Variants in NYAP2 observed in about 807,000 individuals in gnomAD.
The protein encoded by NYAP2 is neuronal tyrosine-phosphorylated phosphoinositide-3-kinase adaptor 2.
A neutral mutation model predicts 50.4 loss-of-function variants in NYAP2; 23 were observed. That is an observed-to-expected ratio of 0.46 (90% CI 0.33 to 0.65). The LOEUF is 0.65. Ranked by LOEUF, NYAP2 falls within the 30% of genes least tolerant of loss-of-function variation. The pLI, the probability that NYAP2 is intolerant of heterozygous loss-of-function variation, is 0.02. For missense variants in NYAP2, 885 were observed against 861.0 expected (o/e 1.03, Z -0.35); for synonymous variants, 394 against 365.2 (o/e 1.08, Z -0.90).
At chr2:225,567,833 G>A (rs1691988325) in intron 4 of NYAP2, among the ~76,000 whole-genome samples, 1 of 152,118 alleles carries the variant, frequency 6.6e-6, no homozygotes, top group Non-Finnish European at 1.5e-5. Context: ...GAAGCCAAGG[G>A]GAAAAAGGAT....
rs576709827 is a variant in NYAP2, at chr2:225,404,508, A to G, written c.-18+3465A>G. 1.5e-4 allele frequency among the ~76,000 whole-genome samples: 23 copies of G among 152,110 alleles called. No homozygotes were observed. The South Asian group carries it at 4.8e-3, about 31-fold the overall frequency. ...AAAGTATAATGATGGCCTTGCACAA[A>G]AGAAAATAAGAAAATTGTTAACTCA... On this transcript the variant is annotated intron_variant, in intron 2 of 6. Transcript: ENST00000636099.
chr2:225,573,250 CTT>C (rs59186607), intron 4 of NYAP2, among the ~76,000 whole-genome samples: 9,714 of 126,692 alleles, frequency 0.077, 931 homozygotes, highest in African/African-American at 0.26. Context: ...ATTATTATTT[CTT>C]TTTTTTTTTT....
At chr2:225,603,273 C>T (rs2106243061) in intron 5 of NYAP2, among the ~76,000 whole-genome samples, 1 of 152,172 alleles carries the variant, frequency 6.6e-6, no homozygotes, top group Non-Finnish European at 1.5e-5. Context: ...TAGTCTGTGC[C>T]AGGCATTATT....
the NYAP2 span, among the ~76,000 whole-genome samples, chr2:225,678,005 G>C: frequency 2.0e-5 from 3 of 152,042 alleles, no homozygotes; most frequent in East Asian, 5.8e-4. Flanking sequence ...GTTCTTCTTT[G>C]TGCATATGAT....
chr2:225,590,466 A>G (rs933793874), intron 5 of NYAP2, among the ~76,000 whole-genome samples: 3 of 152,228 alleles, frequency 2.0e-5, no homozygotes, highest in Admixed American at 2.0e-4. Flanking sequence ...GGGCTTTATT[A>G]TAGACCTATT....
At chr2:225,457,031 G>T (rs759964266) in intron 3 of NYAP2, among the ~76,000 whole-genome samples, 11 of 152,170 alleles carry the variant, frequency 7.2e-5, no homozygotes, top group Non-Finnish European at 1.5e-4. Flanking sequence ...AAGGGAGCTG[G>T]AACTTAAAAT....
intron 5 of NYAP2, among the ~76,000 whole-genome samples, chr2:225,610,104 A>G (rs1281423469): frequency 6.6e-6 from 1 of 152,150 alleles, no homozygotes; most frequent in Non-Finnish European, 1.5e-5. Flanking sequence ...ACCCCAAATG[A>G]AATCTAGAAA....
intron 3 of NYAP2, among the ~76,000 whole-genome samples, chr2:225,461,164 A>G (rs1689825464): frequency 6.6e-6 from 1 of 152,088 alleles, no homozygotes; most frequent in South Asian, 2.1e-4. Context: ...TGCCAGATGC[A>G]CCTTACCATT....
chr2:225,684,407 T>TC, the NYAP2 span, among the ~76,000 whole-genome samples: 3,007 of 121,806 alleles, frequency 0.025, 102 homozygotes, highest in African/African-American at 0.082. Flanking sequence ...TCTCTCTCTC[T>TC]TTTTTTTTTT....
chr2:225,399,493 T>A (rs533254977), upstream of NYAP2, among the ~76,000 whole-genome samples: 1 of 152,186 alleles, frequency 6.6e-6, no homozygotes, highest in South Asian at 2.1e-4. Context: ...TAGGAATTAA[T>A]GACATACATA....
intron 2 of NYAP2, among the ~76,000 whole-genome samples, chr2:225,406,946 T>C (rs772382471): frequency 6.6e-6 from 1 of 152,012 alleles, no homozygotes; most frequent in Admixed American, 6.6e-5. Context: ...TTAAAACCTT[T>C]GGGTAATAAT....
At chr2:225,518,562 ATATATATTAGCGTGTGCGCT>A (rs1690981849) in intron 4 of NYAP2, among the ~76,000 whole-genome samples, 1 of 40,174 alleles carries the variant, frequency 2.5e-5, no homozygotes, top group Admixed American at 2.9e-4. Flanking sequence ...ATATATATAT[ATATATATTAGCGTGTGCGCT>A]TATATATATA....
At chr2:225,552,499 G>A (rs1265785150) in intron 4 of NYAP2, among the ~76,000 whole-genome samples, 2 of 152,154 alleles carry the variant, frequency 1.3e-5, no homozygotes, top group African/African-American at 4.8e-5. Context: ...CAGGCCATGA[G>A]GATAGAGCTC....
chr2:225,696,178 C>T, the NYAP2 span, among the ~76,000 whole-genome samples: 1 of 151,682 alleles, frequency 6.6e-6, no homozygotes, highest in African/African-American at 2.4e-5. Context: ...TCAGACAGAC[C>T]TGAGTTTGAT....
chr2:225,537,039 A>G (rs1691364379), intron 4 of NYAP2, among the ~76,000 whole-genome samples: 1 of 151,902 alleles, frequency 6.6e-6, no homozygotes, highest in Non-Finnish European at 1.5e-5. Context: ...CGGCTTCCCA[A>G]AGTGCTGGGA....
chr2:225,631,558 G>A (rs773743285), intron 6 of NYAP2, among the ~76,000 whole-genome samples: 1 of 152,166 alleles, frequency 6.6e-6, no homozygotes, highest in Admixed American at 6.5e-5. Context: ...CATATATAAT[G>A]TCAGTGCAAG....
chr2:225,526,035 C>A (rs777431716), intron 4 of NYAP2, among the ~76,000 whole-genome samples: 2 of 152,146 alleles, frequency 1.3e-5, no homozygotes, highest in Non-Finnish European at 2.9e-5. Flanking sequence ...GAACTGAATT[C>A]TGCCAACAAT....
the NYAP2 span, among the ~76,000 whole-genome samples, chr2:225,674,109 CTGAG>C: frequency 6.6e-6 from 1 of 152,034 alleles, no homozygotes; most frequent in Admixed American, 6.6e-5. Flanking sequence ...GCTTTCTGCT[CTGAG>C]AGCTGTGGGG....
intron 4 of NYAP2, among the ~76,000 whole-genome samples, chr2:225,545,674 C>T (rs1229389739): frequency 1.3e-5 from 2 of 152,104 alleles, no homozygotes; most frequent in African/African-American, 2.4e-5. Flanking sequence ...CTGTGTTTCT[C>T]CAGGATTAGT....
Sources: allele counts gnomAD v4.1 joint callset (sites outside exome capture counted in the v4.1 genomes callset), GRCh38; gene constraint gnomAD v4.1.1; transcripts MANE v1.5; gene names NCBI Gene and HGNC (gene_info 2026-07-23, HGNC 2026-07-21).